Variants in THOC5 observed in about 807,000 individuals in gnomAD.
THOC5 encodes the protein Fms-interacting protein.
A neutral mutation model predicts 92.9 loss-of-function variants in THOC5; 43 were observed. The observed-to-expected ratio is 0.46, with a 90% CI of 0.36 to 0.60. The LOEUF (loss-of-function observed/expected upper bound fraction) is 0.60, where lower values mean the gene tolerates loss of function less well. Ranked by LOEUF, THOC5 falls within the 20% of genes least tolerant of loss-of-function variation. THOC5 has a pLI of 0.00. For missense variants in THOC5, 659 were observed against 849.4 expected (o/e 0.78, Z 2.79); for synonymous variants, 296 against 320.1 (o/e 0.92, Z 0.80).
chr22:29,511,102 T>A lies in THOC5; in HGVS notation c.1988+4A>T, dbSNP rs1298589021. On this transcript the variant is annotated splice_donor_region_variant and intron_variant, in intron 19 of 19. Transcript: ENST00000490103. ...AGTCACCAGAGCCCCAACCCTCTCC[T>A]CACCTGAAGAGCCGCAGACACATCT... is the stretch of plus-strand genomic sequence containing the variant. 6.2e-7 allele frequency: 1 copy of A among 1,612,550 alleles called. No individual in the cohort carries two copies. The highest frequency in any genetic ancestry group is 1.3e-5 in the African/African-American group (1 of 74,882).
intron 5 of THOC5, 99 bp from the exon 6 acceptor site, chr22:29,539,575 T>TGTAGACCA: frequency 7.7e-7 from 1 of 1,305,212 alleles, no homozygotes; most frequent in Non-Finnish European, 1.1e-6. Flanking sequence ...TGCTTAGTCC[T>TGTAGACCA]GGTCTACAGG....
At chr22:29,540,005 C>T (rs963272118) in intron 5 of THOC5, among the ~76,000 whole-genome samples, 4 of 152,182 alleles carry the variant, frequency 2.6e-5, no homozygotes, top group African/African-American at 4.8e-5. Flanking sequence ...TTCTGCCAGG[C>T]GCGGTGGCTC....
chr22:29,539,042 A>C (rs1221868857), intron 6 of THOC5, among the ~76,000 whole-genome samples: 1 of 147,664 alleles, frequency 6.8e-6, no homozygotes, highest in African/African-American at 2.5e-5. Flanking sequence ...CCTGGGAGGC[A>C]GAGGTTGCAG....
At chr22:29,531,140 G>T in intron 8 of THOC5, 2 of 1,164,150 alleles carry the variant, frequency 1.7e-6, no homozygotes, top group Non-Finnish European at 2.2e-6. Context: ...GGAGAACAAA[G>T]GGGAGGGGAG....
chr22:29,528,595 T>A (rs953612156), intron 9 of THOC5, 129 bp from the exon 10 acceptor site: 18 of 861,676 alleles, frequency 2.1e-5, no homozygotes, highest in Non-Finnish European at 3.1e-5. Flanking sequence ...TAATAAATAA[T>A]AAATTAACTT....
At chr22:29,516,129 C>G (rs984886097) in intron 17 of THOC5, among the ~76,000 whole-genome samples, 1 of 127,868 alleles carries the variant, frequency 7.8e-6, no homozygotes, top group African/African-American at 3.0e-5. Flanking sequence ...GGCGACAAAG[C>G]AAGACCTTAT....
intron 18 of THOC5, among the ~76,000 whole-genome samples, chr22:29,511,623 T>G (rs1464955369): frequency 6.6e-6 from 1 of 152,268 alleles, no homozygotes; most frequent in Non-Finnish European, 1.5e-5. Context: ...TTTGACTTAG[T>G]AGCAGCAATG....
chr22:29,544,529 G>A lies in THOC5; in HGVS notation c.171C>T (p.Tyr57=), dbSNP rs752329778. ...DPGRDYELYK[Y]TCQELQRLMA... ...TCAGCCTCTGTAGCTCCTGGCAGGTGTACTTGTATAACTCATAGTCTCTGC... is the reference window on the plus strand; with the variant it reads ...TCAGCCTCTGTAGCTCCTGGCAGGTATACTTGTATAACTCATAGTCTCTGC... The change falls in exon 3 of 20, where the codon TAC becomes TAT. Residue 57 remains tyrosine (Y), a synonymous_variant. Transcript: ENST00000490103. 24 of 1,614,048 alleles carry A rather than the reference G, an allele frequency of 1.5e-5. No homozygotes were observed. Among genetic ancestry groups the A allele is most frequent in the East Asian group, 6.7e-5 (3 of 44,872 alleles).
In THOC5 at chr22:29,508,225, A is replaced by G. The variant is rs1285817106; in HGVS notation, c.*232T>C. ...CACTCTGCTTTTATTGGCTGCTGAG[A>G]AAAAGTCTCTCTACAAATGCTTTTT... is the stretch of plus-strand genomic sequence containing the variant. On this transcript the variant is annotated 3_prime_UTR_variant, in exon 20 of 20. Transcript: ENST00000490103. The G allele has an allele frequency of 5.3e-6, 3 of 561,254 alleles. No individual in the cohort carries two copies. Among genetic ancestry groups the G allele is most frequent in the Non-Finnish European group, 9.5e-6 (3 of 316,204 alleles). 34.8% of individuals were successfully genotyped at this position (561,254 alleles called of 1,614,324 possible). A position where few individuals can be genotyped will look rare whatever the true frequency, so the allele number is the denominator to read the frequency against.
intron 2 of THOC5, among the ~76,000 whole-genome samples, chr22:29,544,822 A>G (rs1391159936): frequency 6.6e-6 from 1 of 152,240 alleles, no homozygotes; most frequent in Non-Finnish European, 1.5e-5. Context: ...GCCTGGTATC[A>G]AAGATTCAGA....
intron 18 of THOC5, 29 bp from the exon 19 acceptor site, chr22:29,511,325 C>T: frequency 1.3e-6 from 2 of 1,596,160 alleles, no homozygotes; most frequent in Non-Finnish European, 1.7e-6. Flanking sequence ...AGCATCTCAG[C>T]ACTACCTTCC....
At chr22:29,522,437 C>G (rs2063462522) in intron 12 of THOC5, among the ~76,000 whole-genome samples, 1 of 151,888 alleles carries the variant, frequency 6.6e-6, no homozygotes. Context: ...GGGACTATTA[C>G]TAATAGATTG....
rs1197827615 is a variant in THOC5, at chr22:29,544,610, AG to A, written c.97-8del. On this transcript the variant is annotated splice_region_variant and splice_polypyrimidine_tract_variant and intron_variant, in intron 2 of 19. Transcript: ENST00000490103. ...CACTGTAGTATTTACCTTCCTGTAG[AG>A]GTAAGGATAAAGGCTCTGTGTGCAT... 1 of 1,604,078 alleles carries A rather than the reference AG, an allele frequency of 6.2e-7. No homozygotes were observed. Among genetic ancestry groups the A allele is most frequent in the East Asian group, 2.3e-5 (1 of 44,336 alleles).
chr22:29,539,238 T>G, intron 6 of THOC5, 92 bp downstream of exon 6: 9 of 1,362,610 alleles, frequency 6.6e-6, no homozygotes, highest in South Asian at 1.4e-5. Flanking sequence ...GAAACTATTC[T>G]GAGAGTTGCA....
chr22:29,533,999 C>T (rs1232709436), intron 7 of THOC5, among the ~76,000 whole-genome samples: 1 of 152,144 alleles, frequency 6.6e-6, no homozygotes, highest in African/African-American at 2.4e-5. Flanking sequence ...ATATATTCAA[C>T]AGACAGATGT....
At chr22:29,529,359 G>C (rs1015254933) in intron 8 of THOC5, 120 bp from the exon 9 acceptor site, 1 of 1,022,032 alleles carries the variant, frequency 9.8e-7, no homozygotes, top group Non-Finnish European at 1.5e-6. Flanking sequence ...CTGACTAAGG[G>C]TGGAAGGGCA....
intron 11 of THOC5, 78 bp from the exon 12 acceptor site, chr22:29,526,024 G>T: frequency 3.6e-6 from 2 of 560,872 alleles, no homozygotes; most frequent in Admixed American, 2.3e-5. Context: ...GGGGTAGTAA[G>T]GTGGGGGGGT....
In THOC5 at chr22:29,535,031, A is replaced by G. The variant is rs1346503136; in HGVS notation, c.714+1593T>C. 13 of 150,938 alleles carry G rather than the reference A, an allele frequency of 8.6e-5. No homozygotes were observed. The Admixed American group carries it at 8.6e-4, about 10-fold the overall frequency. The allele number at this position is 150,938 out of a possible 1,614,324, so 9.3% of individuals were successfully genotyped here. A position where few individuals can be genotyped will look rare whatever the true frequency, so the allele number is the denominator to read the frequency against. On this transcript the variant is annotated intron_variant, in intron 7 of 19. Coordinates refer to ENST00000490103, the MANE Select transcript of THOC5 (RefSeq NM_003678.5). ...TGCCTATAATCCCAGTACTTTGCCGAGGCAGGCAGATCACCTGAGGTTAGG... is the reference window on the plus strand; with the variant it reads ...TGCCTATAATCCCAGTACTTTGCCGGGGCAGGCAGATCACCTGAGGTTAGG...
chr22:29,538,046 A>G (rs1053145698), intron 6 of THOC5, among the ~76,000 whole-genome samples: 8 of 152,114 alleles, frequency 5.3e-5, no homozygotes, highest in African/African-American at 1.9e-4. Context: ...GCAGTGGCGC[A>G]ATCTCGGCTC....
Sources: gnomAD v4.1 joint callset for allele counts (sites outside exome capture counted in the v4.1 genomes callset) on GRCh38, gnomAD v4.1.1 for gene constraint, MANE v1.5 for transcripts, NCBI Gene and HGNC (gene_info 2026-07-23, HGNC 2026-07-21) for gene names.